Variants in SAMD4A observed in about 807,000 individuals in gnomAD.
SAMD4A encodes the protein sterile alpha motif domain containing 4A.
SAMD4A carries 33 observed loss-of-function variants against 81.3 expected under a neutral mutation model. The observed-to-expected ratio is 0.41, with a 90% CI of 0.31 to 0.54. SAMD4A has a LOEUF of 0.54. SAMD4A is among the 20% of genes least tolerant of loss of function. The probability of loss-of-function intolerance (pLI) is 0.37; values close to 1 mark genes in which losing one functional copy is unlikely to be tolerated. For missense variants in SAMD4A, 854 were observed against 951.1 expected (o/e 0.90, Z 1.34); for synonymous variants, 389 against 382.1 (o/e 1.02, Z -0.21).
chr14:54,777,962 G>T (rs959172447), intron 11 of SAMD4A, among the ~76,000 whole-genome samples: 3 of 151,946 alleles, frequency 2.0e-5, no homozygotes, highest in Non-Finnish European at 4.4e-5. Flanking sequence ...TTTATCCCAG[G>T]GTCCTTTCAT....
At chr14:54,697,657 TC>T (rs1473275115) in intron 2 of SAMD4A, among the ~76,000 whole-genome samples, 1 of 152,192 alleles carries the variant, frequency 6.6e-6, no homozygotes, top group Non-Finnish European at 1.5e-5. Flanking sequence ...GGCTAAAACT[TC>T]CTTTTACCTA....
chr14:54,692,046 T>G (rs1276037443), intron 2 of SAMD4A, among the ~76,000 whole-genome samples: 2 of 152,242 alleles, frequency 1.3e-5, no homozygotes, highest in African/African-American at 2.4e-5. Context: ...TGACAATATT[T>G]ACATGGTTAC....
rs1273923583 is a variant in SAMD4A at position 54,789,671 on chromosome 14, A to C, written c.*727A>C. On this transcript the variant is annotated 3_prime_UTR_variant, in exon 13 of 13. Coordinates refer to ENST00000554335, the MANE Select transcript of SAMD4A (RefSeq NM_015589.6). ...TGTTACGGATTCATTTTTTCCCTCT[A>C]TTTTTATAAGAGCAGCAGAGTTGTC... 1 of 152,082 alleles carries C rather than the reference A, an allele frequency of 6.6e-6. No homozygotes were observed. Among genetic ancestry groups the C allele is most frequent in the East Asian group, 1.9e-4 (1 of 5,182 alleles). The allele number at this position is 152,082 out of a possible 1,614,324, so 9.4% of individuals were successfully genotyped here. A position where few individuals can be genotyped will look rare whatever the true frequency, so the allele number is the denominator to read the frequency against.
chr14:54,581,547 C>T (rs1274426359), intron 2 of SAMD4A, among the ~76,000 whole-genome samples: 1 of 152,168 alleles, frequency 6.6e-6, no homozygotes, highest in African/African-American at 2.4e-5. Context: ...TTGATTAGAT[C>T]ATTAAATGTA....
chr14:54,770,370 C>T (rs2038668075), intron 9 of SAMD4A, 148 bp downstream of exon 9: 2 of 641,022 alleles, frequency 3.1e-6, no homozygotes, highest in Middle Eastern at 3.9e-4. Flanking sequence ...ATTGCTTAAA[C>T]AGGTGGGGCT....
chr14:54,702,440 A>C lies in SAMD4A; in HGVS notation c.575A>C (p.Asn192Thr). Residue 192 changes from asparagine to threonine, a missense_variant, in exon 3 of 13, where the codon AAC (asparagine) becomes ACC (threonine). This residue lies in a region of SAMD4A where 387 missense variants were observed against 405.8 expected (regional missense o/e 0.95). Transcript: ENST00000554335. ...NSDDKLNGWQ[N>T]SRDSGICINA... Reference sequence around the variant, plus strand: ...GATGACAAGCTCAATGGGTGGCAGAACTCTCGGGATTCTGGGATTTGCATC... The same window carrying C: ...GATGACAAGCTCAATGGGTGGCAGACCTCTCGGGATTCTGGGATTTGCATC... 6.2e-7 allele frequency: 1 copy of C among 1,614,086 alleles called. No homozygotes were observed. The highest frequency in any genetic ancestry group is 2.2e-5 in the East Asian group (1 of 44,884).
intron 3 of SAMD4A, among the ~76,000 whole-genome samples, chr14:54,721,428 TA>T (rs1337440418): frequency 1.3e-5 from 2 of 152,224 alleles, no homozygotes; most frequent in Non-Finnish European, 2.9e-5. Context: ...CCATTGATTT[TA>T]AGTGGGGATA....
chr14:54,574,040 T>G (rs1052191918), intron 2 of SAMD4A, among the ~76,000 whole-genome samples: 4 of 152,210 alleles, frequency 2.6e-5, no homozygotes, highest in Admixed American at 2.6e-4. Context: ...GATAATACAG[T>G]GCCATTGTAA....
At chr14:54,713,230 G>A (rs1235325723) in intron 3 of SAMD4A, among the ~76,000 whole-genome samples, 2 of 151,870 alleles carry the variant, frequency 1.3e-5, no homozygotes, top group Admixed American at 6.6e-5. Flanking sequence ...TGAATTTCAC[G>A]GTCTTAGGTA....
At chr14:54,611,796 G>C (rs2034362539) in intron 2 of SAMD4A, among the ~76,000 whole-genome samples, 1 of 151,692 alleles carries the variant, frequency 6.6e-6, no homozygotes, top group East Asian at 1.9e-4. Context: ...AGAATCACTT[G>C]AACCCGGGAG....
chr14:54,668,518 C>T (rs1376586386), intron 2 of SAMD4A, among the ~76,000 whole-genome samples: 1 of 152,032 alleles, frequency 6.6e-6, no homozygotes, highest in East Asian at 1.9e-4. Context: ...GTCCAGTTTC[C>T]CCAAATGCCA....
intron 2 of SAMD4A, among the ~76,000 whole-genome samples, chr14:54,643,748 T>C (rs996155515): frequency 9.9e-5 from 15 of 152,226 alleles, no homozygotes; most frequent in Non-Finnish European, 2.1e-4. Context: ...AAGAATGTTT[T>C]TGTTAAGGAA....
chr14:54,575,948 C>T (rs113512755), intron 2 of SAMD4A, among the ~76,000 whole-genome samples: 1,790 of 148,144 alleles, frequency 0.012, 35 homozygotes, highest in African/African-American at 0.043. Flanking sequence ...GGCACTCTAG[C>T]GATCAGTGTC....
At position 54,662,175 on chromosome 14, in the gene SAMD4A, T is replaced by A. The variant is rs551582258; in HGVS notation, c.197-39887T>A. Among the ~76,000 whole-genome samples the A allele has an allele frequency of 2.0e-5, 3 of 152,272 alleles. No individual in the cohort carries two copies. In the South Asian group the frequency reaches 6.2e-4, roughly 32 times the overall value. ...GGGGTTTTGATCGCTTAGTTACAGA[T>A]GGAAAACTCCAGCATAGTTAAGGTA... is the stretch of plus-strand genomic sequence containing the variant. On this transcript the variant is annotated intron_variant, in intron 2 of 12. Coordinates refer to ENST00000554335, the MANE Select transcript of SAMD4A (RefSeq NM_015589.6).
At chr14:54,642,135 T>C (rs1394256631) in intron 2 of SAMD4A, among the ~76,000 whole-genome samples, 2 of 152,198 alleles carry the variant, frequency 1.3e-5, no homozygotes, top group South Asian at 2.1e-4. Context: ...AAGGTAGATA[T>C]TAGTTCTAAG....
chr14:54,601,159 A>T (rs951760051), intron 2 of SAMD4A, among the ~76,000 whole-genome samples: 3 of 152,182 alleles, frequency 2.0e-5, no homozygotes, highest in African/African-American at 7.2e-5. Context: ...CATTTATGAA[A>T]TTGAGAATTC....
chr14:54,626,088 G>C, intron 2 of SAMD4A, among the ~76,000 whole-genome samples: 1 of 151,182 alleles, frequency 6.6e-6, no homozygotes, highest in African/African-American at 2.4e-5. Context: ...GTGCGCACAT[G>C]TGCATGCATG....
At chr14:54,676,542 A>G (rs2035998367) in intron 2 of SAMD4A, among the ~76,000 whole-genome samples, 1 of 129,820 alleles carries the variant, frequency 7.7e-6, no homozygotes, top group African/African-American at 3.4e-5. Flanking sequence ...ACACCCAGCT[A>G]ATTTTTTTTT....
chr14:54,601,497 T>C (rs1205839072), intron 2 of SAMD4A, among the ~76,000 whole-genome samples: 1 of 152,218 alleles, frequency 6.6e-6, no homozygotes, highest in Non-Finnish European at 1.5e-5. Context: ...GATTCATTCA[T>C]ATTGGGTGGG....
Sources: gnomAD v4.1 joint callset for allele counts (sites outside exome capture counted in the v4.1 genomes callset) on GRCh38, gnomAD v4.1.1 for gene constraint, gnomAD v4.1.1 regional missense constraint, MANE v1.5 for transcripts, NCBI Gene and HGNC (gene_info 2026-07-23, HGNC 2026-07-21) for gene names.